ITGA11: variants seen among roughly 807,000 people sequenced by gnomAD.
ITGA11 encodes the protein integrin alpha-11.
Under a neutral mutation model 141.9 loss-of-function variants are expected in ITGA11, and 97 were observed. That is an observed-to-expected ratio of 0.68 (90% CI 0.58 to 0.81). ITGA11 has a LOEUF of 0.81. Among genes scored for constraint, ITGA11 ranks in the 30% least tolerant of loss-of-function variants. ITGA11 has a pLI of 0.00. For synonymous variants in ITGA11, 658 were observed against 624.6 expected (o/e 1.05, Z -0.80); for missense variants, 1,387 against 1,559.2 (o/e 0.89, Z 1.86).
At chr15:68,379,922 C>T (rs543779298) in intron 2 of ITGA11, among the ~76,000 whole-genome samples, 1 of 152,174 alleles carries the variant, frequency 6.6e-6, no homozygotes, top group Non-Finnish European at 1.5e-5. Flanking sequence ...AGGAAAGGGG[C>T]CTAAGCATTT....
intron 1 of ITGA11, among the ~76,000 whole-genome samples, chr15:68,431,204 C>A (rs1364160059): frequency 6.6e-6 from 1 of 152,256 alleles, no homozygotes; most frequent in African/African-American, 2.4e-5. Flanking sequence ...GCTTCCCGCT[C>A]CCAGCCGCGC....
chr15:68,431,878 G>A (rs1897277037), intron 1 of ITGA11, 137 bp downstream of exon 1: 3 of 532,874 alleles, frequency 5.6e-6, no homozygotes, highest in Middle Eastern at 3.0e-4. Context: ...AGTCCCTGGG[G>A]GACCCACGTC....
intron 21 of ITGA11, among the ~76,000 whole-genome samples, chr15:68,316,639 T>C (rs1368811380): frequency 6.6e-6 from 1 of 152,184 alleles, no homozygotes; most frequent in African/African-American, 2.4e-5. Flanking sequence ...TCCCCAGCTG[T>C]GCAGACCCTG....
chr15:68,305,818 CT>C lies in ITGA11; in HGVS notation c.3381+1529del, dbSNP rs1437416847. 6.6e-6 allele frequency among the ~76,000 whole-genome samples: 1 copy of C among 152,142 alleles called. No homozygotes were observed. Among genetic ancestry groups the C allele is most frequent in the Non-Finnish European group, 1.5e-5 (1 of 68,018 alleles). On this transcript the variant is annotated intron_variant, in intron 28 of 29. Coordinates refer to ENST00000315757, the MANE Select transcript of ITGA11 (RefSeq NM_001004439.2). The surrounding 1 kb of genome is among the most constrained non-coding windows in gnomAD (Gnocchi z 4.6). ...CCTCAAGGCGGGCACCTGGCTCTGC[CT>C]CCCCAGCGCCAGCACCTAGCACACA... is the stretch of plus-strand genomic sequence containing the variant.
intron 2 of ITGA11, among the ~76,000 whole-genome samples, chr15:68,383,646 A>G (rs1174910332): frequency 6.6e-6 from 1 of 152,228 alleles, no homozygotes. Context: ...TGATCATTGC[A>G]CATAAAGTGC....
chr15:68,328,177 C>G lies in ITGA11; in HGVS notation c.1987G>C (p.Gly663Arg). 6.2e-7 allele frequency: 1 copy of G among 1,613,866 alleles called. No homozygotes were observed. The highest frequency in any genetic ancestry group is 8.5e-7 in the Non-Finnish European group (1 of 1,179,874). Residue 663 changes from glycine to arginine, a missense_variant, in exon 16 of 30, where the codon GGC (glycine) becomes CGC (arginine). Gly to Arg is a moderately radical substitution (Grantham distance 125). Coordinates refer to ENST00000315757, the MANE Select transcript of ITGA11 (RefSeq NM_001004439.2). The surrounding 1 kb of genome is among the most constrained non-coding windows in gnomAD (Gnocchi z 4.8). The stretch of plus-strand genomic sequence containing the variant: ...GCGGCCAGGCAGGTGGCATCCCTGC[C>G]ACTGCGCTTGCAGTCTCTGTGGAAG... Reference protein sequence around the residue: ...NIFHRDCKRSGRDATCLAAFL... With the variant: ...NIFHRDCKRSRRDATCLAAFL...
chr15:68,376,519 A>G (rs1895733273), intron 2 of ITGA11, among the ~76,000 whole-genome samples: 1 of 152,258 alleles, frequency 6.6e-6, no homozygotes, highest in Admixed American at 6.5e-5. Flanking sequence ...CCAGAACAGC[A>G]TCTGGCACAG....
chr15:68,375,426 G>T (rs1383237463), intron 2 of ITGA11, among the ~76,000 whole-genome samples: 1 of 152,192 alleles, frequency 6.6e-6, no homozygotes, highest in Non-Finnish European at 1.5e-5. Flanking sequence ...TGGCTAATGG[G>T]TTCAAGATGG....
chr15:68,413,444 A>T (rs1896821987), intron 1 of ITGA11, among the ~76,000 whole-genome samples: 1 of 152,162 alleles, frequency 6.6e-6, no homozygotes, highest in Non-Finnish European at 1.5e-5. Context: ...GCTGGCTGAG[A>T]CACGACTTAC....
At chr15:68,313,912 A>G in intron 22 of ITGA11, 44 bp from the exon 23 acceptor site, 1 of 1,499,268 alleles carries the variant, frequency 6.7e-7, no homozygotes, top group Non-Finnish European at 9.3e-7. Context: ...GGGCTCAGCC[A>G]GCACAGGCAG....
rs757374689 is a variant in ITGA11, at chr15:68,311,095, T to C, written c.3088-15A>G. 3.8e-6 allele frequency: 6 copies of C among 1,586,992 alleles called. No individual in the cohort carries two copies. Among genetic ancestry groups the C allele is most frequent in the Admixed American group, 1.7e-5 (1 of 58,384 alleles). On this transcript the variant is annotated splice_polypyrimidine_tract_variant and intron_variant, in intron 25 of 29. Coordinates refer to ENST00000315757, the MANE Select transcript of ITGA11 (RefSeq NM_001004439.2). Reference sequence around the variant, plus strand: ...GACGTGTTCGCCTACATAAAGGACATGGACACACACACACATACACAGCCT... The same window carrying C: ...GACGTGTTCGCCTACATAAAGGACACGGACACACACACACATACACAGCCT...
At chr15:68,354,782 A>G (rs1024106021) in intron 7 of ITGA11, among the ~76,000 whole-genome samples, 1 of 152,174 alleles carries the variant, frequency 6.6e-6, no homozygotes, top group Non-Finnish European at 1.5e-5. Flanking sequence ...CCCTCCCATC[A>G]GTGGCCAGGA....
chr15:68,371,142 G>A (rs939460754), intron 2 of ITGA11, among the ~76,000 whole-genome samples: 1 of 152,210 alleles, frequency 6.6e-6, no homozygotes, highest in African/African-American at 2.4e-5. Flanking sequence ...TCTAGACGAG[G>A]TGATTTTTGG....
intron 10 of ITGA11, 48 bp downstream of exon 10, chr15:68,348,782 C>A: frequency 1.3e-6 from 2 of 1,513,472 alleles, no homozygotes; most frequent in Non-Finnish European, 9.1e-7. Flanking sequence ...AAGAGCATGC[C>A]CTCGAGAGAC....
Position 68,297,469 on chromosome 15 carries a change from A to T in ITGA11, c.*5590T>A, listed in dbSNP as rs1309725440. ...TTTTTTTTTTATCCAAAAGAAAGCT[A>T]TGTCTGGTTAGGTAAATCATACACC... On this transcript the variant is annotated 3_prime_UTR_variant, in exon 30 of 30. Transcript: ENST00000315757. 6 of 120,264 alleles carry T rather than the reference A, an allele frequency of 5.0e-5. No individual in the cohort carries two copies. The highest frequency in any genetic ancestry group is 5.1e-5 in the Non-Finnish European group (3 of 58,842). 7.4% of individuals were successfully genotyped at this position (120,264 alleles called of 1,614,324 possible). A position where few individuals can be genotyped will look rare whatever the true frequency, so the allele number is the denominator to read the frequency against.
chr15:68,389,766 G>A (rs943965578), intron 2 of ITGA11, among the ~76,000 whole-genome samples: 1 of 152,158 alleles, frequency 6.6e-6, no homozygotes, highest in Non-Finnish European at 1.5e-5. Context: ...GAGGAGAAAC[G>A]TTCTGCCTTG....
chr15:68,354,063 C>G (rs1001374200), intron 7 of ITGA11, among the ~76,000 whole-genome samples: 1 of 152,156 alleles, frequency 6.6e-6, no homozygotes. Context: ...AGCCTTTCCC[C>G]ACCACCCTGT....
rs1276160494 is a variant in ITGA11 at position 68,303,811 on chromosome 15, G to A, written c.3456C>T (p.Gly1152=). 4.3e-6 allele frequency: 7 copies of A among 1,612,904 alleles called. No individual in the cohort carries two copies. Among genetic ancestry groups the A allele is most frequent in the Non-Finnish European group, 5.9e-6 (7 of 1,179,282 alleles). ...GGACCAGCAGGGCCAGCAGTAGGAG[G>A]CCCCCCAGGGTGCTGCCTACAATGA... ...IWIIVGSTLG[G]LLLLALLVLA... is the part of the protein sequence containing the mutation. Residue 1152 remains glycine (G), a synonymous_variant, in exon 29 of 30, where the codon GGC becomes GGT. Transcript: ENST00000315757. The surrounding 1 kb of genome is among the most constrained non-coding windows in gnomAD (Gnocchi z 5.3).
chr15:68,362,838 TGATG>T (rs1486650789), intron 4 of ITGA11, among the ~76,000 whole-genome samples: 4 of 151,754 alleles, frequency 2.6e-5, no homozygotes, highest in African/African-American at 4.8e-5. Flanking sequence ...AGTGGATGGA[TGATG>T]GATGGATAGA....
Sources: gnomAD v4.1 joint callset for allele counts (sites outside exome capture counted in the v4.1 genomes callset) on GRCh38, gnomAD v4.1.1 for gene constraint, Gnocchi (gnomAD v3.1) non-coding constraint, MANE v1.5 for transcripts, NCBI Gene and HGNC (gene_info 2026-07-23, HGNC 2026-07-21) for gene names.